Variants in NEB observed in about 807,000 individuals in gnomAD.
NEB encodes the protein nebulin.
A neutral mutation model predicts 952.2 loss-of-function variants in NEB; 512 were observed. That is an observed-to-expected ratio of 0.54 (90% CI 0.50 to 0.58). The LOEUF is 0.58. Ranked by LOEUF, NEB falls within the 20% of genes least tolerant of loss-of-function variation. NEB has a pLI of 0.00. For missense variants in NEB, 8,428 were observed against 9,231.1 expected (o/e 0.91, Z 3.56); for synonymous variants, 2,900 against 3,149.8 (o/e 0.92, Z 2.66).
At position 151,565,779 on chromosome 2, in the gene NEB, G is replaced by A; in HGVS notation, c.18198C>T (p.Gly6066=). ...GGTCCACAGAATCCAGTGGGATCCA[G>A]CCAATGCCTCGGAGCCACTCCAGGT... The part of the protein sequence containing the change: ...RADLEWLRGI[G]WIPLDSVDHV... Residue 6066 remains glycine (G), a synonymous_variant, in exon 115 of 182, where the codon GGC becomes GGT. Transcript: ENST00000397345. 6.2e-7 allele frequency: 1 copy of A among 1,612,306 alleles called. No homozygotes were observed. Among genetic ancestry groups the A allele is most frequent in the Non-Finnish European group, 8.5e-7 (1 of 1,179,204 alleles).
intron 14 of NEB, 40 bp downstream of exon 14, chr2:151,697,504 T>A: frequency 6.2e-7 from 1 of 1,606,316 alleles, no homozygotes; most frequent in Non-Finnish European, 8.5e-7. Context: ...AAATAATGGG[T>A]TCTTTTTTTA....
Position 151,516,452 on chromosome 2 carries a change from G to A in NEB, c.22905+7C>T, listed in dbSNP as rs1426040506. On this transcript the variant is annotated splice_region_variant and intron_variant, in intron 157 of 181. Coordinates refer to ENST00000397345, the MANE Select transcript of NEB (RefSeq NM_001164508.2). ...CATTGTTGTGTGGTGTGGTTTTTTT[G>A]ACTTACCCCACTCTGCATCTGCTGA... 27 of 1,592,228 alleles carry A rather than the reference G, an allele frequency of 1.7e-5. No homozygotes were observed. Among genetic ancestry groups the A allele is most frequent in the Non-Finnish European group, 2.2e-5 (26 of 1,161,506 alleles).
Position 151,656,156 on chromosome 2 carries a change from A to G in NEB, c.6492T>C (p.Ser2164=), listed in dbSNP as rs2154148449. The G allele has an allele frequency of 1.9e-6, 3 of 1,582,828 alleles. No individual in the cohort carries two copies. Among genetic ancestry groups the G allele is most frequent in the Non-Finnish European group, 2.6e-6 (3 of 1,162,854 alleles). ...ELTRNMNRIQ[S]DNEYKQDYNE... is the part of the protein sequence containing the mutation. ...CCCAAGTAGAAGAAAGCCTTACATC[A>G]CTCTGTATGCGATTCATATTCCTGG... Residue 2164 remains serine, a synonymous_variant, in exon 49 of 182, where the codon AGT becomes AGC. Coordinates refer to ENST00000397345, the MANE Select transcript of NEB (RefSeq NM_001164508.2).
Position 151,692,799 on chromosome 2 carries a change from G to A in NEB, c.1897-437C>T, listed in dbSNP as rs113585313. The stretch of plus-strand genomic sequence containing the variant: ...AGCCTGGCCAATGTGGTAAAACCCC[G>A]TCTCTACTAAAAATACAAAAATTAG... On this transcript the variant is annotated intron_variant, in intron 20 of 181. Coordinates refer to ENST00000397345, the MANE Select transcript of NEB (RefSeq NM_001164508.2). Among the ~76,000 whole-genome samples, 274 of 152,160 alleles carry A rather than the reference G, an allele frequency of 1.8e-3. 3 individuals carry two copies. Among genetic ancestry groups the A allele is most frequent in the African/African-American group, 6.2e-3 (259 of 41,496 alleles).
intron 65 of NEB, among the ~76,000 whole-genome samples, chr2:151,631,896 G>A (rs1490795448): frequency 6.6e-6 from 1 of 152,134 alleles, no homozygotes; most frequent in Non-Finnish European, 1.5e-5. Context: ...CTTATTCCCT[G>A]CGATGTATTC....
At chr2:151,717,866 T>TTG (rs2099763587) in intron 9 of NEB, among the ~76,000 whole-genome samples, 1 of 151,564 alleles carries the variant, frequency 6.6e-6, no homozygotes, top group South Asian at 2.1e-4. Context: ...TTTTTTTTTT[T>TTG]TTTTTGAGAC....
intron 36 of NEB, 49 bp downstream of exon 36, chr2:151,674,428 A>G (rs1242780247): frequency 1.5e-6 from 2 of 1,356,342 alleles, no homozygotes; most frequent in South Asian, 2.3e-5. Context: ...GCATTTGATT[A>G]CTTTTCAAAA....
At chr2:151,657,530 C>A (rs1017729593) in intron 48 of NEB, among the ~76,000 whole-genome samples, 3 of 152,104 alleles carry the variant, frequency 2.0e-5, no homozygotes, top group African/African-American at 7.2e-5. Flanking sequence ...ATCAAGCCAC[C>A]GATAGTTTAA....
intron 84 of NEB, among the ~76,000 whole-genome samples, chr2:151,605,534 T>C (rs200247246): frequency 0.13 from 15,036 of 117,614 alleles, 171 homozygotes; most frequent in African/African-American, 0.24. Context: ...TTCCATCTGA[T>C]GAGTGTCTCA....
rs1559072754 is a variant in NEB, at chr2:151,671,136, C to CGCCTG, written c.4388_4392dup (p.Asp1465GlnfsTer5). The CGCCTG allele has an allele frequency of 6.2e-7, 1 of 1,613,922 alleles. No individual in the cohort carries two copies. The highest frequency in any genetic ancestry group is 2.2e-5 in the East Asian group (1 of 44,884). ...CGATACTTCCTCTCATTTAATGCATCGCCTGCTTTCTTGACCTTCTCCACC... is the reference window on the plus strand; with the variant it reads ...CGATACTTCCTCTCATTTAATGCATCGCCTGGCCTGCTTTCTTGACCTTCTCCACC... On this transcript the variant is annotated frameshift_variant, in exon 38 of 182. Coordinates refer to ENST00000397345, the MANE Select transcript of NEB (RefSeq NM_001164508.2). LOFTEE classifies it high-confidence loss of function.
rs370790324 is a variant in NEB at position 151,659,115 on chromosome 2, C to G, written c.6025G>C (p.Asp2009His). The G allele has an allele frequency of 1.7e-5, 28 of 1,612,966 alleles. No homozygotes were observed. The East Asian group carries it at 1.8e-4, about 10-fold the overall frequency. Residue 2009 changes from aspartate to histidine, a missense_variant, in exon 47 of 182, where the codon GAT becomes CAT. Asp to His is a moderately conservative substitution (Grantham distance 81). This residue lies in a region of NEB where 2,851 missense variants were observed against 2,791.5 expected (regional missense o/e 1.02). Transcript: ENST00000397345. ...ADKTKVHIMP[D>H]IPQIILAKAN... ...TTTGCCAAAATAATCTGGGGGATAT[C>G]AGGCATGATGTGGACTTTGGTTTTG...
chr2:151,572,365 T>TA (rs1276006813), intron 107 of NEB, among the ~76,000 whole-genome samples: 1 of 151,668 alleles, frequency 6.6e-6, no homozygotes, highest in Non-Finnish European at 1.5e-5. Flanking sequence ...AACTACAAAA[T>TA]AGTTAATGCA....
At position 151,687,665 on chromosome 2, in the gene NEB, G is replaced by C; in HGVS notation, c.2484C>G (p.Pro828=). The change falls in exon 26 of 182, where the codon CCC becomes CCG. Residue 828 remains proline (P), a synonymous_variant. Transcript: ENST00000397345. ...KKFDIKVDAI[P]LLAAKANTKN... ...TGGTGTTGGCTTTGGCTGCCAACAG[G>C]GGAATGGCGTCCACTTTAATGTCAA... is the stretch of plus-strand genomic sequence containing the variant. 4 of 1,610,354 alleles carry C rather than the reference G, an allele frequency of 2.5e-6. No homozygotes were observed. Among genetic ancestry groups the C allele is most frequent in the Non-Finnish European group, 3.4e-6 (4 of 1,177,868 alleles).
chr2:151,542,896 A>G (rs796354232), intron 135 of NEB, among the ~76,000 whole-genome samples: 13 of 152,342 alleles, frequency 8.5e-5, no homozygotes, highest in African/African-American at 1.4e-4. Flanking sequence ...CCATGTTTCT[A>G]TAATAGCTTC....
At chr2:151,552,637 T>A in intron 128 of NEB, 35 bp downstream of exon 128, 1 of 1,488,970 alleles carries the variant, frequency 6.7e-7, no homozygotes, top group Non-Finnish European at 9.3e-7. Flanking sequence ...CCCTGCTTTA[T>A]TACTGTCCAC....
chr2:151,570,118 A>G lies in NEB; in HGVS notation c.17393T>C (p.Val5798Ala), dbSNP rs1311482778. ...QWTCMPDQND[V>A]IQAKKAYELQ... ...TTCGTAGGCCTTCTTGGCCTGAATC[A>G]CATCGTTCTGGTCGGGCATGCAGGT... The change falls in exon 109 of 182, where the codon GTG becomes GCG. Residue 5798 changes from valine (V) to alanine (A), a missense_variant. Val to Ala is a moderately conservative substitution (Grantham distance 64). Coordinates refer to ENST00000397345, the MANE Select transcript of NEB (RefSeq NM_001164508.2). 1 of 1,612,378 alleles carries G rather than the reference A, an allele frequency of 6.2e-7. No homozygotes were observed. Among genetic ancestry groups the G allele is most frequent in the Admixed American group, 1.7e-5 (1 of 59,860 alleles).
intron 72 of NEB, among the ~76,000 whole-genome samples, chr2:151,620,345 GTGTATATATATATATATATATATA>G (rs1208245279): frequency 1.8e-4 from 16 of 87,934 alleles, no homozygotes; most frequent in East Asian, 3.2e-4. Context: ...ATGTATGTGT[GTGTATATATATATATATATATATA>G]TATATATATA....
chr2:151,669,914 T>C (rs1258870439), intron 38 of NEB, among the ~76,000 whole-genome samples: 1 of 152,080 alleles, frequency 6.6e-6, no homozygotes, highest in Admixed American at 6.6e-5. Context: ...GTTGGTGGCA[T>C]TTGAGAGCAG....
rs956431797 is a variant in NEB at position 151,699,876 on chromosome 2, G to T, written c.1153-2228C>A. Among the ~76,000 whole-genome samples, 295 of 150,254 alleles carry T rather than the reference G, an allele frequency of 2.0e-3. 3 individuals carry two copies. Among genetic ancestry groups the T allele is most frequent in the African/African-American group, 6.9e-3 (284 of 41,020 alleles). ...GAAGCTCTTTAGTTTAATTAGATCC[G>T]ATTTGTCAATTTTGGCTTTTGTTGC... is the stretch of plus-strand genomic sequence containing the variant. On this transcript the variant is annotated intron_variant, in intron 13 of 181. Coordinates refer to ENST00000397345, the MANE Select transcript of NEB (RefSeq NM_001164508.2).
Sources: gnomAD v4.1 joint callset for allele counts (sites outside exome capture counted in the v4.1 genomes callset) on GRCh38, gnomAD v4.1.1 for gene constraint, gnomAD v4.1.1 regional missense constraint, MANE v1.5 for transcripts, NCBI Gene and HGNC (gene_info 2026-07-23, HGNC 2026-07-21) for gene names.